Variants in LRRC63 observed in about 807,000 individuals in gnomAD.
LRRC63 encodes the protein leucine rich repeat containing 63, also known as leucine-rich repeat-containing protein 63.
In LRRC63, 40 loss-of-function variants were observed where a neutral mutation model predicts 49.5. That is an observed-to-expected ratio of 0.81 (90% CI 0.63 to 1.05). The LOEUF (loss-of-function observed/expected upper bound fraction) is 1.05. Among genes scored for constraint, LRRC63 ranks in the 50% least tolerant of loss-of-function variants. LRRC63 has a pLI of 0.00. For missense variants in LRRC63, 636 were observed against 663.1 expected (o/e 0.96, Z 0.45); for synonymous variants, 191 against 221.1 (o/e 0.86, Z 1.21).
intron 5 of LRRC63, among the ~76,000 whole-genome samples, chr13:46,244,738 C>T (rs1006526363): frequency 2.0e-5 from 3 of 151,984 alleles, no homozygotes; most frequent in African/African-American, 7.2e-5. Flanking sequence ...CCACTGGACT[C>T]CAGGCAGGGT....
At chr13:46,265,659 G>T (rs58116741) in intron 8 of LRRC63, among the ~76,000 whole-genome samples, 13,005 of 152,244 alleles carry the variant, frequency 0.085, 908 homozygotes, top group African/African-American at 0.18. Context: ...TTAAGGTGAA[G>T]ATTTCAATAT....
chr13:46,246,561 C>A, exon 6 of LRRC63: 1 of 1,467,302 alleles, frequency 6.8e-7, no homozygotes, highest in South Asian at 1.4e-5. Context: ...GACTTAACAC[C>A]TTTGGCTTTC....
chr13:46,225,993 C>CT (rs11370009), intron 2 of LRRC63, among the ~76,000 whole-genome samples: 50,435 of 147,998 alleles, frequency 0.34, 8,732 homozygotes, highest in East Asian at 0.42. Flanking sequence ...TTTCCTTTTT[C>CT]TTTTTTTTTT....
At chr13:46,232,046 A>T (rs1594036806) in intron 4 of LRRC63, among the ~76,000 whole-genome samples, 1 of 143,288 alleles carries the variant, frequency 7.0e-6, no homozygotes, top group Non-Finnish European at 1.5e-5. Context: ...TGATCTCCTG[A>T]CCTCGTGATC....
chr13:46,233,336 T>G (rs1267109145), intron 4 of LRRC63, among the ~76,000 whole-genome samples: 2 of 152,178 alleles, frequency 1.3e-5, no homozygotes, highest in East Asian at 3.8e-4. Flanking sequence ...TATATTACAT[T>G]ATATATCTTT....
chr13:46,211,987 A>G (rs1018117878), exon 1 of LRRC63: 1 of 152,468 alleles, frequency 6.6e-6, no homozygotes, highest in African/African-American at 2.4e-5. Flanking sequence ...GGCCTCCTAG[A>G]GGGTGGGGAT....
chr13:46,220,501 A>G (rs768103733), intron 2 of LRRC63, among the ~76,000 whole-genome samples: 6 of 152,192 alleles, frequency 3.9e-5, no homozygotes, highest in Non-Finnish European at 8.8e-5. Context: ...CTGTGCTGGC[A>G]GTGAGAGTTG....
chr13:46,253,990 G>A (rs751872955), intron 7 of LRRC63, among the ~76,000 whole-genome samples: 1 of 152,088 alleles, frequency 6.6e-6, no homozygotes, highest in Non-Finnish European at 1.5e-5. Context: ...AAATTATAAA[G>A]ACTGAGGAAA....
intron 9 of LRRC63, 54 bp downstream of exon 9, chr13:46,267,026 G>A: frequency 6.9e-7 from 1 of 1,451,356 alleles, no homozygotes; most frequent in Non-Finnish European, 9.1e-7. Context: ...GCATTAAAAT[G>A]TTCTTCATTA....
At chr13:46,241,506 A>C (rs901697355) in intron 5 of LRRC63, among the ~76,000 whole-genome samples, 31 of 152,236 alleles carry the variant, frequency 2.0e-4, no homozygotes, top group African/African-American at 7.5e-4. Context: ...TCTGCATTAC[A>C]AAGAAAACTA....
At chr13:46,236,483 C>T (rs2046908336) in intron 5 of LRRC63, among the ~76,000 whole-genome samples, 1 of 152,062 alleles carries the variant, frequency 6.6e-6, no homozygotes, top group South Asian at 2.1e-4. Context: ...CAGTTTGTTG[C>T]CAGAAACTAT....
At chr13:46,245,049 G>A (rs1039375168) in intron 5 of LRRC63, among the ~76,000 whole-genome samples, 1 of 152,182 alleles carries the variant, frequency 6.6e-6, no homozygotes, top group Non-Finnish European at 1.5e-5. Flanking sequence ...TCTTATGGCT[G>A]TATTAGCTGA....
At chr13:46,227,910 A>T in exon 3 of LRRC63, 5 of 1,550,548 alleles carry the variant, frequency 3.2e-6, no homozygotes, top group Non-Finnish European at 4.4e-6. Flanking sequence ...ACCTAAAAGT[A>T]CTCCTGGCTC....
intron 4 of LRRC63, among the ~76,000 whole-genome samples, chr13:46,233,977 T>C (rs774751630): frequency 6.6e-6 from 1 of 152,190 alleles, no homozygotes; most frequent in Non-Finnish European, 1.5e-5. Flanking sequence ...AAGATAATGG[T>C]GCATTTAAAA....
intron 2 of LRRC63, among the ~76,000 whole-genome samples, chr13:46,221,481 T>C (rs1052857035): frequency 2.6e-5 from 4 of 152,218 alleles, no homozygotes; most frequent in Admixed American, 2.0e-4. Flanking sequence ...ATTCTGATAA[T>C]TCAGCGAAAA....
exon 10 of LRRC63, chr13:46,276,826 G>GTATATATATATATATATATATATATA (rs752992115): frequency 2.4e-5 from 4 of 165,342 alleles, no homozygotes; most frequent in East Asian, 1.4e-4. Flanking sequence ...TCGTATGTGT[G>GTATATATATATATATATATATATATA]TGTATATATA....
At chr13:46,256,642 A>G (rs1384075967) in intron 7 of LRRC63, among the ~76,000 whole-genome samples, 1 of 152,174 alleles carries the variant, frequency 6.6e-6, no homozygotes, top group Non-Finnish European at 1.5e-5. Context: ...AGAGCAGATA[A>G]CTTGTTTCTT....
chr13:46,254,918 A>G (rs1005147064), intron 7 of LRRC63, among the ~76,000 whole-genome samples: 4 of 152,242 alleles, frequency 2.6e-5, no homozygotes, highest in African/African-American at 7.2e-5. Context: ...TTTATCTGCA[A>G]TATCCTGAAA....
intron 9 of LRRC63, among the ~76,000 whole-genome samples, chr13:46,271,975 A>G (rs558636539): frequency 6.6e-6 from 1 of 152,260 alleles, no homozygotes; most frequent in Admixed American, 6.5e-5. Flanking sequence ...AACTAATAAT[A>G]AAATGAGATA....
Sources: allele counts gnomAD v4.1 joint callset (sites outside exome capture counted in the v4.1 genomes callset), GRCh38; gene constraint gnomAD v4.1.1; transcripts MANE v1.5; gene names NCBI Gene and HGNC (gene_info 2026-07-23, HGNC 2026-07-21).